Variants in SLC8A1 observed in about 807,000 individuals in gnomAD.
The protein encoded by SLC8A1 is solute carrier family 8 member A1.
Under a neutral mutation model 68.3 loss-of-function variants are expected in SLC8A1, and 18 were observed. That is an observed-to-expected ratio of 0.26 (90% CI 0.18 to 0.39). The LOEUF (loss-of-function observed/expected upper bound fraction) is 0.39, where lower values mean the gene tolerates loss of function less well. Among genes scored for constraint, SLC8A1 ranks in the 10% least tolerant of loss-of-function variants. SLC8A1 has a pLI of 1.00. For missense variants in SLC8A1, 985 were observed against 1,156.7 expected (o/e 0.85, Z 2.15); for synonymous variants, 475 against 415.5 (o/e 1.14, Z -1.74).
chr2:40,503,293 T>C (rs745705518), intron 1 of SLC8A1, among the ~76,000 whole-genome samples: 1 of 152,090 alleles, frequency 6.6e-6, no homozygotes, highest in Non-Finnish European at 1.5e-5. Context: ...CCATTAACTC[T>C]GTCTCATAGT....
chr2:40,396,771 A>AAAAAAAAAAAAAAAAC (rs1687087939), intron 2 of SLC8A1, among the ~76,000 whole-genome samples: 1 of 147,126 alleles, frequency 6.8e-6, no homozygotes, highest in Non-Finnish European at 1.5e-5. Flanking sequence ...AAAAAAAAAA[A>AAAAAAAAAAAAAAAAC]AAAAAACAAG....
intron 2 of SLC8A1, among the ~76,000 whole-genome samples, chr2:40,315,515 A>G (rs1359946646): frequency 3.3e-5 from 5 of 151,012 alleles, no homozygotes; most frequent in Admixed American, 1.3e-4. Flanking sequence ...GCTACATCCA[A>G]CTGGGTTAGT....
chr2:40,194,109 T>G (rs923039471), intron 2 of SLC8A1, among the ~76,000 whole-genome samples: 1 of 152,110 alleles, frequency 6.6e-6, no homozygotes, highest in Non-Finnish European at 1.5e-5. Context: ...ATTGTAAAAC[T>G]GACCTGATTT....
At chr2:40,480,415 A>C (rs1249527122) in intron 1 of SLC8A1, among the ~76,000 whole-genome samples, 1 of 152,166 alleles carries the variant, frequency 6.6e-6, no homozygotes, top group African/African-American at 2.4e-5. Context: ...CACCCCTTGC[A>C]TCATGTGTGG....
intron 2 of SLC8A1, among the ~76,000 whole-genome samples, chr2:40,200,195 TATATATATATAA>T (rs2053934831): frequency 2.3e-4 from 2 of 8,850 alleles, no homozygotes; most frequent in Non-Finnish European, 6.7e-4. Context: ...TATATATTTA[TATATATATATAA>T]ATATATATAT....
At chr2:40,240,126 C>T (rs1233810313) in intron 2 of SLC8A1, among the ~76,000 whole-genome samples, 1 of 152,110 alleles carries the variant, frequency 6.6e-6, no homozygotes, top group Admixed American at 6.5e-5. Context: ...ATTTTGTGCA[C>T]ACAGTTATGG....
chr2:40,285,625 T>A (rs902105739), intron 2 of SLC8A1, among the ~76,000 whole-genome samples: 2 of 152,118 alleles, frequency 1.3e-5, no homozygotes, highest in African/African-American at 4.8e-5. Context: ...ATGAGATAAT[T>A]TGGCTTTTCT....
intron 2 of SLC8A1, among the ~76,000 whole-genome samples, chr2:40,288,329 G>A (rs2068664947): frequency 6.6e-6 from 1 of 152,160 alleles, no homozygotes; most frequent in Non-Finnish European, 1.5e-5. Context: ...CTGAAATAGA[G>A]ATAAGGTTTT....
intron 2 of SLC8A1, among the ~76,000 whole-genome samples, chr2:40,335,474 CTG>C (rs1328681063): frequency 6.6e-6 from 1 of 152,226 alleles, no homozygotes; most frequent in East Asian, 1.9e-4. Flanking sequence ...CAAGTTAAAA[CTG>C]TGAATACTGT....
At chr2:40,397,804 C>T (rs375102604) in intron 2 of SLC8A1, among the ~76,000 whole-genome samples, 6 of 152,166 alleles carry the variant, frequency 3.9e-5, no homozygotes, top group African/African-American at 1.4e-4. Flanking sequence ...CTGGGAATCA[C>T]CAGCATTTGC....
chr2:40,294,853 G>A (rs1051934434), intron 2 of SLC8A1, among the ~76,000 whole-genome samples: 2 of 152,066 alleles, frequency 1.3e-5, no homozygotes, highest in Non-Finnish European at 2.9e-5. Flanking sequence ...ATGTTATTAA[G>A]GAATTCAATT....
chr2:40,235,225 G>A (rs1194569736), intron 2 of SLC8A1, among the ~76,000 whole-genome samples: 5 of 151,920 alleles, frequency 3.3e-5, no homozygotes, highest in Non-Finnish European at 7.4e-5. Flanking sequence ...AATCCATCTG[G>A]TCCTGGACTC....
chr2:40,105,186 G>A (rs2034118805), exon 8 of SLC8A1: 1 of 152,126 alleles, frequency 6.6e-6, no homozygotes, highest in South Asian at 2.1e-4. Context: ...TATTCCACTG[G>A]GAACCATGAT....
chr2:40,309,502 C>CTTTTTTTTT (rs34863585), intron 2 of SLC8A1, among the ~76,000 whole-genome samples: 1 of 123,290 alleles, frequency 8.1e-6, no homozygotes, highest in African/African-American at 2.9e-5. Context: ...GAATATTTTA[C>CTTTTTTTTT]TTTTTTTTTT....
chr2:40,488,107 T>C (rs1300288171), intron 1 of SLC8A1, among the ~76,000 whole-genome samples: 1 of 151,680 alleles, frequency 6.6e-6, no homozygotes, highest in Non-Finnish European at 1.5e-5. Context: ...CAAGAGCTAC[T>C]AAAAGGTGGA....
At chr2:40,260,357 G>T (rs1371855547) in intron 2 of SLC8A1, among the ~76,000 whole-genome samples, 1 of 152,146 alleles carries the variant, frequency 6.6e-6, no homozygotes, top group African/African-American at 2.4e-5. Flanking sequence ...TAGGTCTGTG[G>T]TCTCAACTTG....
chr2:40,395,172 AC>A (rs1454141971), intron 2 of SLC8A1, among the ~76,000 whole-genome samples: 2 of 152,204 alleles, frequency 1.3e-5, no homozygotes, highest in African/African-American at 4.8e-5. Context: ...AACTAAAGAA[AC>A]AAAAACCTTT....
chr2:40,438,000 C>A (rs1371957643), intron 1 of SLC8A1, among the ~76,000 whole-genome samples: 1 of 151,110 alleles, frequency 6.6e-6, no homozygotes, highest in African/African-American at 2.4e-5. Context: ...AACATTGACA[C>A]TGAGCACTGA....
At chr2:40,447,054 A>G (rs902923562) in intron 1 of SLC8A1, among the ~76,000 whole-genome samples, 2 of 152,358 alleles carry the variant, frequency 1.3e-5, no homozygotes, top group East Asian at 3.9e-4. Flanking sequence ...TTACCATGCA[A>G]TGATATCAAC....
Sources: gnomAD v4.1 joint callset for allele counts (sites outside exome capture counted in the v4.1 genomes callset) on GRCh38, gnomAD v4.1.1 for gene constraint, MANE v1.5 for transcripts, NCBI Gene and HGNC (gene_info 2026-07-23, HGNC 2026-07-21) for gene names.